The following NXPH1 variants were observed in gnomAD, a reference collection of about 807,000 sequenced individuals.
NXPH1 encodes the protein neurexophilin 1.
Under a neutral mutation model 23.7 loss-of-function variants are expected in NXPH1, and 5 were observed. That is an observed-to-expected ratio of 0.21 (90% CI 0.11 to 0.44). The LOEUF is 0.44. Among genes scored for constraint, NXPH1 ranks in the 20% least tolerant of loss-of-function variants. NXPH1 has a pLI of 0.99. For missense variants in NXPH1, 324 were observed against 321.6 expected, an observed-to-expected ratio of 1.01 and a Z score of -0.06; for synonymous variants, 144 against 122.2, an observed-to-expected ratio of 1.18 and a Z score of -1.18.
chr7:8,628,036 A>C (rs1387940095), intron 2 of NXPH1, among the ~76,000 whole-genome samples: 1 of 152,180 alleles, frequency 6.6e-6, no homozygotes, highest in Non-Finnish European at 1.5e-5. Flanking sequence ...ATAATTGCCA[A>C]AGTCAAAATG....
chr7:8,658,927 C>T (rs954222976), intron 2 of NXPH1, among the ~76,000 whole-genome samples: 2 of 151,564 alleles, frequency 1.3e-5, no homozygotes, highest in African/African-American at 2.4e-5. Context: ...TATCTGATAA[C>T]TTAATATTTA....
rs548515612 is a variant in NXPH1 at position 8,655,822 on chromosome 7, A to G, written c.55-95186A>G. ...AGCTTTTGCATTTGGGAAATGTGAC[A>G]AAGTTTTCAAGGTCCCTTTCATATA... On this transcript the variant is annotated intron_variant, in intron 2 of 2. Transcript: ENST00000405863. 5.3e-5 allele frequency among the ~76,000 whole-genome samples: 8 copies of G among 152,292 alleles called. No individual in the cohort carries two copies. In the South Asian group the frequency reaches 1.5e-3, roughly 28 times the overall value.
intron 2 of NXPH1, among the ~76,000 whole-genome samples, chr7:8,436,958 G>A (rs1816205903): frequency 6.6e-6 from 1 of 152,212 alleles, no homozygotes; most frequent in Admixed American, 6.5e-5. Flanking sequence ...CTGTGTATGT[G>A]AGTGACACGT....
At chr7:8,695,411 A>ACAAGAGTTATTATGTTTTTTTT (rs1320056970) in intron 2 of NXPH1, among the ~76,000 whole-genome samples, 1 of 151,538 alleles carries the variant, frequency 6.6e-6, no homozygotes, top group Non-Finnish European at 1.5e-5. Flanking sequence ...TAGTTTGTTT[A>ACAAGAGTTATTATGTTTTTTTT]CAAGAGTTAT....
chr7:8,448,506 C>T (rs770760355), intron 2 of NXPH1, among the ~76,000 whole-genome samples: 1 of 152,112 alleles, frequency 6.6e-6, no homozygotes, highest in African/African-American at 2.4e-5. Flanking sequence ...GTTACCTTTA[C>T]GATTACAGCC....
In NXPH1 at chr7:8,710,640, G is replaced by GT. The variant is rs1368543367; in HGVS notation, c.55-40362dup. Among the ~76,000 whole-genome samples the GT allele has an allele frequency of 9.2e-3, 255 of 27,678 alleles. 51 individuals are homozygous for GT. Among genetic ancestry groups the GT allele is most frequent in the East Asian group, 0.019 (9 of 472 alleles). 18.2% of individuals were successfully genotyped at this position (27,678 alleles called of 152,430 possible). A position where few individuals can be genotyped will look rare whatever the true frequency, so the allele number is the denominator to read the frequency against. On this transcript the variant is annotated intron_variant, in intron 2 of 2. Transcript: ENST00000405863. Reference sequence around the variant, plus strand: ...TTGAACAAAGCATGTCAACTGTTACGTTTTTTGTTTTTTTTTTTTTTTTTT... The same window carrying GT: ...TTGAACAAAGCATGTCAACTGTTACGTTTTTTTGTTTTTTTTTTTTTTTTTT...
At position 8,435,804 on chromosome 7, in the gene NXPH1, C is replaced by G. The variant is rs1220153093; in HGVS notation, c.54+37C>G. ...AAGGTTCGGGGCTTTCGCATTTTTA[C>G]CCCGGCCGGGAGGCAAGGAAACTGG... On this transcript the variant is annotated intron_variant, in intron 2 of 2. Transcript: ENST00000405863. The surrounding 1 kb of genome is among the most constrained non-coding windows in gnomAD (Gnocchi z 5.9). The G allele has an allele frequency of 6.2e-7, 1 of 1,605,682 alleles. No homozygotes were observed. Among genetic ancestry groups the G allele is most frequent in the Non-Finnish European group, 8.5e-7 (1 of 1,172,502 alleles).
chr7:8,715,936 C>T (rs539239474), intron 2 of NXPH1, among the ~76,000 whole-genome samples: 18 of 151,626 alleles, frequency 1.2e-4, no homozygotes, highest in African/African-American at 4.4e-4. Context: ...TTTACATATA[C>T]ATATATATAT....
chr7:8,543,415 A>T (rs1189432961), intron 2 of NXPH1, among the ~76,000 whole-genome samples: 1 of 151,640 alleles, frequency 6.6e-6, no homozygotes, highest in Non-Finnish European at 1.5e-5. Context: ...AAGCAATATC[A>T]CACAGACTCT....
At chr7:8,607,520 C>T (rs1471854114) in intron 2 of NXPH1, among the ~76,000 whole-genome samples, 6 of 152,158 alleles carry the variant, frequency 3.9e-5, no homozygotes, top group Admixed American at 3.9e-4. Flanking sequence ...ATTAATGCAA[C>T]AGACTTCTGT....
chr7:8,661,660 A>T (rs1375046206), intron 2 of NXPH1, among the ~76,000 whole-genome samples: 1 of 152,178 alleles, frequency 6.6e-6, no homozygotes, highest in Non-Finnish European at 1.5e-5. Context: ...AAAAAACAAA[A>T]ATGTAAGCGA....
chr7:8,686,987 T>C (rs1223072631), intron 2 of NXPH1, among the ~76,000 whole-genome samples: 4 of 152,146 alleles, frequency 2.6e-5, no homozygotes, highest in Non-Finnish European at 5.9e-5. Context: ...TTTGGCAAGA[T>C]AGAATTTTCA....
chr7:8,568,812 A>C (rs1818595211), intron 2 of NXPH1, among the ~76,000 whole-genome samples: 1 of 151,748 alleles, frequency 6.6e-6, no homozygotes, highest in South Asian at 2.1e-4. Flanking sequence ...GTATTTTCTA[A>C]AGCTAGAGAC....
chr7:8,537,354 G>A (rs972944575), intron 2 of NXPH1, among the ~76,000 whole-genome samples: 7 of 152,074 alleles, frequency 4.6e-5, no homozygotes, highest in South Asian at 2.1e-4. Flanking sequence ...AATTCATAAA[G>A]GAAAGAGGTT....
intron 2 of NXPH1, among the ~76,000 whole-genome samples, chr7:8,461,602 G>C (rs533188474): frequency 6.6e-6 from 1 of 150,672 alleles, no homozygotes; most frequent in Non-Finnish European, 1.5e-5. Flanking sequence ...AGGCCGAGGC[G>C]GGTGGATCAT....
At chr7:8,439,321 G>A (rs1391222529) in intron 2 of NXPH1, among the ~76,000 whole-genome samples, 1 of 152,170 alleles carries the variant, frequency 6.6e-6, no homozygotes, top group Non-Finnish European at 1.5e-5. Flanking sequence ...GGATCAAGTA[G>A]AAGGATAGGC....
chr7:8,614,060 T>A (rs1431795140), intron 2 of NXPH1, among the ~76,000 whole-genome samples: 1 of 151,944 alleles, frequency 6.6e-6, no homozygotes, highest in Non-Finnish European at 1.5e-5. Flanking sequence ...TTGTTTTACT[T>A]TAATAGTATA....
chr7:8,637,891 A>G (rs1178208242), intron 2 of NXPH1, among the ~76,000 whole-genome samples: 1 of 152,232 alleles, frequency 6.6e-6, no homozygotes, highest in Non-Finnish European at 1.5e-5. Flanking sequence ...AAAGAAATTT[A>G]TTTTAAATGT....
At chr7:8,612,777 A>G (rs937222979) in intron 2 of NXPH1, among the ~76,000 whole-genome samples, 2 of 152,054 alleles carry the variant, frequency 1.3e-5, no homozygotes, top group African/African-American at 2.4e-5. Context: ...TTTGTAAATA[A>G]AGAGAGACAC....
Sources: gnomAD v4.1 joint callset for allele counts (sites outside exome capture counted in the v4.1 genomes callset) on GRCh38, gnomAD v4.1.1 for gene constraint, Gnocchi (gnomAD v3.1) non-coding constraint, MANE v1.5 for transcripts, NCBI Gene and HGNC (gene_info 2026-07-23, HGNC 2026-07-21) for gene names.